The following GSN variants were observed in gnomAD, a reference collection of about 807,000 sequenced individuals.
GSN encodes the protein gelsolin, also known as actin-depolymerizing factor.
A neutral mutation model predicts 85.7 loss-of-function variants in GSN; 56 were observed. The observed-to-expected ratio is 0.65, with a 90% CI of 0.53 to 0.82. The LOEUF is 0.82. GSN is among the 40% of genes least tolerant of loss of function. The probability of loss-of-function intolerance (pLI) is 0.00; values close to 1 mark genes in which losing one functional copy is unlikely to be tolerated. For missense variants in GSN, 857 were observed against 979.8 expected, an observed-to-expected ratio of 0.87 and a Z score of 1.67; for synonymous variants, 373 against 399.1, an observed-to-expected ratio of 0.93 and a Z score of 0.78.
chr9:121,212,481 A>C (rs2053985723), intron 4 of GSN, among the ~76,000 whole-genome samples: 1 of 152,112 alleles, frequency 6.6e-6, no homozygotes, highest in Non-Finnish European at 1.5e-5. Flanking sequence ...GCCCTCCTGG[A>C]GGAGGCTTAC....
At chr9:121,291,941 G>A (rs1186450081) in intron 2 of GSN, among the ~76,000 whole-genome samples, 1 of 152,096 alleles carries the variant, frequency 6.6e-6, no homozygotes, top group Non-Finnish European at 1.5e-5. Flanking sequence ...CTGTCACCCA[G>A]GCTGGAGTGC....
intron 5 of GSN, among the ~76,000 whole-genome samples, chr9:121,234,787 T>A (rs529535072): frequency 6.6e-6 from 1 of 152,344 alleles, no homozygotes; most frequent in South Asian, 2.1e-4. Context: ...AGTTAAAGTC[T>A]GCAGTGAGCT....
At chr9:121,296,604 C>T (rs2059245062) in intron 2 of GSN, among the ~76,000 whole-genome samples, 1 of 152,208 alleles carries the variant, frequency 6.6e-6, no homozygotes, top group Admixed American at 6.5e-5. Flanking sequence ...CAGAAAGGTA[C>T]AGTGACTTGC....
In GSN at chr9:121,299,764, G is replaced by T; in HGVS notation, c.-9-2199G>T. ...ATCCCCGCCCCGCGCCCTCCCTGGG[G>T]GGCGGTCCCCGGCTTGGGCGGGATG... On this transcript the variant is annotated intron_variant, in intron 2 of 17. Coordinates refer to ENST00000432226, the MANE Select transcript of GSN (RefSeq NM_198252.3). This position sits in a 1 kb window ranked among gnomAD's most constrained non-coding sequence, Gnocchi z 4.2. 2 of 1,196,538 alleles carry T rather than the reference G, an allele frequency of 1.7e-6. No individual in the cohort carries two copies. Among genetic ancestry groups the T allele is most frequent in the Non-Finnish European group, 2.1e-6 (2 of 954,996 alleles). The allele number at this position is 1,196,538 out of a possible 1,614,324, so 74.1% of individuals were successfully genotyped here. A position where few individuals can be genotyped will look rare whatever the true frequency, so the allele number is the denominator to read the frequency against.
intron 7 of GSN, 130 bp downstream of exon 7, chr9:121,314,153 C>G: frequency 2.7e-6 from 2 of 749,420 alleles, no homozygotes; most frequent in Non-Finnish European, 2.4e-6. Flanking sequence ...TCAGCTTTCT[C>G]ACGTCTCCAG....
At chr9:121,311,173 A>G (rs1048540603) in intron 5 of GSN, 2 of 395,358 alleles carry the variant, frequency 5.1e-6, no homozygotes, top group South Asian at 2.3e-5. Context: ...AGGTGTGCAC[A>G]TGTGCACCAT....
chr9:121,290,235 AC>A (rs776156830), intron 2 of GSN, among the ~76,000 whole-genome samples: 14 of 152,060 alleles, frequency 9.2e-5, no homozygotes, highest in Admixed American at 3.3e-4. Flanking sequence ...CCTAAAGCAC[AC>A]CCGGGGACAG....
rs187716527 is a variant in GSN, at chr9:121,217,922, C to T, written c.-528+7055C>T. Among the ~76,000 whole-genome samples, 175 of 151,626 alleles carry T rather than the reference C, an allele frequency of 1.2e-3. 3 individuals carry two copies. Among genetic ancestry groups the T allele is most frequent in the Admixed American group, 0.011 (163 of 15,248 alleles). On this transcript the variant is annotated intron_variant, in intron 4 of 24. Coordinates refer to the GSN transcript ENST00000373823. The stretch of plus-strand genomic sequence containing the variant: ...CTACCAGGTCTGTTTCAAGCTTTTG[C>T]GTATATAAGGGTACATACATAAAGA...
At chr9:121,298,959 A>G (rs2059476899) in intron 2 of GSN, among the ~76,000 whole-genome samples, 1 of 152,188 alleles carries the variant, frequency 6.6e-6, no homozygotes, top group African/African-American at 2.4e-5. Flanking sequence ...CAGGGGAGTC[A>G]ATGAATAGTA....
chr9:121,311,688 CTT>C (rs1442774974), intron 5 of GSN: 7 of 152,572 alleles, frequency 4.6e-5, no homozygotes, highest in African/African-American at 1.4e-4. Flanking sequence ...TGTTTCTGAA[CTT>C]TATAGACACG....
chr9:121,269,066 C>G (rs2132328405), intron 1 of GSN, among the ~76,000 whole-genome samples: 1 of 152,300 alleles, frequency 6.6e-6, no homozygotes, highest in South Asian at 2.1e-4. Context: ...GTCTTCACAC[C>G]CTCCTCAGAG....
intron 5 of GSN, 88 bp downstream of exon 5, chr9:121,310,933 T>A: frequency 8.2e-7 from 1 of 1,225,576 alleles, no homozygotes; most frequent in Non-Finnish European, 1.2e-6. Context: ...AACAAATGCA[T>A]AGATGCAGGT....
chr9:121,203,239 T>C (rs2053830442), upstream of GSN: 1 of 152,136 alleles, frequency 6.6e-6, no homozygotes, highest in Admixed American at 6.5e-5. Context: ...TTCTGGGCTG[T>C]AGTGCACTGT....
Position 121,268,222 on chromosome 9 carries a change from A to C in GSN, c.-103+3A>C, listed in dbSNP as rs929892898. ...TGTCTCCAGTGCCGCAGCAGCAGGTAGGGGAGGCGCGCGGCCCCGGCCCCG... is the reference window on the plus strand; with the variant it reads ...TGTCTCCAGTGCCGCAGCAGCAGGTCGGGGAGGCGCGCGGCCCCGGCCCCG... On this transcript the variant is annotated splice_donor_region_variant and intron_variant, in intron 1 of 17. Transcript: ENST00000432226. 6.6e-6 allele frequency: 1 copy of C among 152,234 alleles called. No individual in the cohort carries two copies. Among genetic ancestry groups the C allele is most frequent in the African/African-American group, 2.4e-5 (1 of 41,402 alleles). 9.4% of individuals were successfully genotyped at this position (152,234 alleles called of 1,614,324 possible). A position where few individuals can be genotyped will look rare whatever the true frequency, so the allele number is the denominator to read the frequency against.
chr9:121,292,230 G>A (rs914044578), intron 2 of GSN, among the ~76,000 whole-genome samples: 15 of 152,198 alleles, frequency 9.9e-5, no homozygotes, highest in African/African-American at 3.4e-4. Context: ...AGGCAGAACA[G>A]GCAAAGTCAG....
chr9:121,226,447 A>G (rs1469627533), intron 4 of GSN, among the ~76,000 whole-genome samples: 1 of 152,212 alleles, frequency 6.6e-6, no homozygotes, highest in Non-Finnish European at 1.5e-5. Flanking sequence ...AGGTGTTCAG[A>G]AAGGTCCTCA....
chr9:121,316,992 A>G, intron 7 of GSN, 94 bp from the exon 8 acceptor site: 2 of 1,543,864 alleles, frequency 1.3e-6, no homozygotes, highest in South Asian at 1.1e-5. Flanking sequence ...CTACAGGGCC[A>G]TTTGGGACAG....
At chr9:121,255,757 A>G (rs950631608) in intron 6 of GSN, among the ~76,000 whole-genome samples, 2 of 152,152 alleles carry the variant, frequency 1.3e-5, no homozygotes, top group Admixed American at 6.5e-5. Context: ...GGTGATTTCC[A>G]TTATTTTGCT....
At chr9:121,295,641 G>A (rs978010233) in intron 2 of GSN, among the ~76,000 whole-genome samples, 2 of 152,158 alleles carry the variant, frequency 1.3e-5, no homozygotes, top group African/African-American at 4.8e-5. Context: ...AGGTTACAGA[G>A]GAAAGGAGGG....
Sources: gnomAD v4.1 joint callset for allele counts (sites outside exome capture counted in the v4.1 genomes callset) on GRCh38, gnomAD v4.1.1 for gene constraint, Gnocchi (gnomAD v3.1) non-coding constraint, MANE v1.5 for transcripts, NCBI Gene and HGNC (gene_info 2026-07-23, HGNC 2026-07-21) for gene names.